Variants in TDRD3 observed in about 807,000 individuals in gnomAD.
TDRD3 encodes tudor domain containing 3.
In TDRD3, 45 loss-of-function variants were observed where a neutral mutation model predicts 86.7. The ratio of observed to expected loss-of-function variants is 0.52; its 90% CI spans 0.41 to 0.67. The LOEUF (loss-of-function observed/expected upper bound fraction) is 0.67, where lower values mean the gene tolerates loss of function less well. Ranked by LOEUF, TDRD3 falls within the 30% of genes least tolerant of loss-of-function variation. TDRD3 has a pLI of 0.00. For synonymous variants in TDRD3, 298 were observed against 301.7 expected (o/e 0.99, Z 0.13); for missense variants, 814 against 889.0 (o/e 0.92, Z 1.07).
At chr13:60,521,762 C>T (rs1957289821) in intron 10 of TDRD3, among the ~76,000 whole-genome samples, 1 of 151,998 alleles carries the variant, frequency 6.6e-6, no homozygotes, top group South Asian at 2.1e-4. Context: ...CCGGGCATGG[C>T]AGCACATGCC....
At chr13:60,486,365 C>T (rs996848746) in intron 7 of TDRD3, among the ~76,000 whole-genome samples, 3 of 152,100 alleles carry the variant, frequency 2.0e-5, no homozygotes, top group Admixed American at 1.3e-4. Context: ...TAAAAATCAG[C>T]GGATCTGTCA....
intron 1 of TDRD3, among the ~76,000 whole-genome samples, chr13:60,398,883 T>C (rs929380153): frequency 6.6e-6 from 1 of 152,216 alleles, no homozygotes; most frequent in African/African-American, 2.4e-5. Flanking sequence ...CCCACAAGGG[T>C]GTCCTGAATA....
intron 12 of TDRD3, among the ~76,000 whole-genome samples, chr13:60,565,142 G>A (rs1958423414): frequency 7.6e-6 from 1 of 132,378 alleles, no homozygotes; most frequent in African/African-American, 2.9e-5. Flanking sequence ...TGCAAGCTTC[G>A]CCTCCCGGGT....
At chr13:60,505,647 G>A (rs956419793) in intron 8 of TDRD3, among the ~76,000 whole-genome samples, 1 of 152,176 alleles carries the variant, frequency 6.6e-6, no homozygotes, top group African/African-American at 2.4e-5. Context: ...AAGGTTAGAG[G>A]AATTGCTAAC....
chr13:60,449,097 A>G (rs1283440965), intron 3 of TDRD3, among the ~76,000 whole-genome samples: 2 of 152,104 alleles, frequency 1.3e-5, no homozygotes, highest in Non-Finnish European at 2.9e-5. Context: ...ATCAACCACA[A>G]GATGGCTTCA....
chr13:60,531,872 A>G lies in TDRD3; in HGVS notation c.1992+2655A>G, dbSNP rs1385047013. On this transcript the variant is annotated intron_variant, in intron 11 of 13. Transcript: ENST00000377881. ...GAATGAATGACTATGAATGATTATC[A>G]AAAACAAAAAAGAATAGGCCTACAG... Among the ~76,000 whole-genome samples, 8 of 152,310 alleles carry G rather than the reference A, an allele frequency of 5.3e-5. No individual in the cohort carries two copies. The South Asian group carries it at 1.5e-3, about 28-fold the overall frequency.
Position 60,555,439 on chromosome 13 carries a change from GTTTAC to G in TDRD3, c.2119-12080_2119-12076del, listed in dbSNP as rs550063784. Among the ~76,000 whole-genome samples, 53 of 152,200 alleles carry G rather than the reference GTTTAC, an allele frequency of 3.5e-4. No individual in the cohort carries two copies. The Middle Eastern group carries it at 0.01, about 29-fold the overall frequency. On this transcript the variant is annotated intron_variant, in intron 12 of 13. Coordinates refer to ENST00000377881, the MANE Select transcript of TDRD3 (RefSeq NM_001146070.2). ...GGATCTCTATAAAACAAATATTAAT[GTTTAC>G]TTTACACACTAGGAAAACTACAAAT...
chr13:60,409,974 A>G (rs1954320024), intron 1 of TDRD3, among the ~76,000 whole-genome samples: 1 of 152,020 alleles, frequency 6.6e-6, no homozygotes, highest in Non-Finnish European at 1.5e-5. Flanking sequence ...ACCCAGGGGG[A>G]GGTAATTGAA....
intron 5 of TDRD3, among the ~76,000 whole-genome samples, chr13:60,480,835 C>G (rs1956294694): frequency 6.6e-6 from 1 of 151,946 alleles, no homozygotes; most frequent in African/African-American, 2.4e-5. Flanking sequence ...AGCGAGGGGG[C>G]CACATGCAGG....
At chr13:60,424,738 T>TA (rs1157392703) in intron 1 of TDRD3, among the ~76,000 whole-genome samples, 1 of 152,220 alleles carries the variant, frequency 6.6e-6, no homozygotes, top group Non-Finnish European at 1.5e-5. Flanking sequence ...CAGAGATTTG[T>TA]AATCATCACT....
intron 3 of TDRD3, among the ~76,000 whole-genome samples, chr13:60,452,964 TG>T (rs1232318447): frequency 6.6e-6 from 1 of 152,144 alleles, no homozygotes; most frequent in East Asian, 1.9e-4. Flanking sequence ...ACTTTGTTAA[TG>T]TTGTTATTGT....
intron 3 of TDRD3, among the ~76,000 whole-genome samples, chr13:60,447,012 T>C (rs937568447): frequency 5.3e-5 from 8 of 152,222 alleles, no homozygotes; most frequent in African/African-American, 1.9e-4. Flanking sequence ...GCAAACAGAA[T>C]ATTTGAATAA....
intron 1 of TDRD3, among the ~76,000 whole-genome samples, chr13:60,409,358 TC>T (rs1954305471): frequency 1.3e-5 from 2 of 152,188 alleles, no homozygotes; most frequent in South Asian, 4.1e-4. Flanking sequence ...AAGGCCACTG[TC>T]CTCCAGACTT....
chr13:60,484,564 A>G (rs1836337689), intron 6 of TDRD3: 1 of 365,224 alleles, frequency 2.7e-6, no homozygotes, highest in African/African-American at 2.1e-5. Flanking sequence ...GGTATTTAGT[A>G]AAATCATTTG....
At position 60,500,586 on chromosome 13, in the gene TDRD3, TG is replaced by T. The variant is rs368681462; in HGVS notation, c.858+6014del. Among the ~76,000 whole-genome samples the T allele has an allele frequency of 6.6e-3, 1,000 of 152,272 alleles. 13 individuals are homozygous for T. Among genetic ancestry groups the T allele is most frequent in the African/African-American group, 0.023 (949 of 41,550 alleles). The stretch of plus-strand genomic sequence containing the variant: ...TAGCAGTGAAGGGTAATCTTCCCAG[TG>T]GGCAGAACTTCAAGCAGTGCACCTA... On this transcript the variant is annotated intron_variant, in intron 8 of 13. Coordinates refer to ENST00000377881, the MANE Select transcript of TDRD3 (RefSeq NM_001146070.2).
chr13:60,402,617 A>G (rs999568410), intron 1 of TDRD3, among the ~76,000 whole-genome samples: 31 of 150,854 alleles, frequency 2.1e-4, no homozygotes, highest in African/African-American at 6.8e-4. Context: ...ATAGCTTGGT[A>G]TACTCTTTTG....
chr13:60,517,016 G>C (rs1400848065), intron 10 of TDRD3, among the ~76,000 whole-genome samples: 1 of 152,040 alleles, frequency 6.6e-6, no homozygotes, highest in African/African-American at 2.4e-5. Context: ...TTTATTTTCT[G>C]TGGATTTTGT....
chr13:60,467,745 CAAGTAA>C (rs1353940771), intron 5 of TDRD3, among the ~76,000 whole-genome samples: 6 of 152,172 alleles, frequency 3.9e-5, no homozygotes, highest in Non-Finnish European at 8.8e-5. Context: ...CACATACGTG[CAAGTAA>C]AAGTAAGTTA....
chr13:60,536,383 G>A (rs1395994085), intron 12 of TDRD3: 2 of 151,790 alleles, frequency 1.3e-5, no homozygotes, highest in Non-Finnish European at 2.9e-5. Context: ...AACTTTAATT[G>A]CTCTTTGCCT....
Sources: allele counts gnomAD v4.1 joint callset (sites outside exome capture counted in the v4.1 genomes callset), GRCh38; gene constraint gnomAD v4.1.1; transcripts MANE v1.5; gene names NCBI Gene and HGNC (gene_info 2026-07-23, HGNC 2026-07-21).